Variants in NAALADL2 observed in about 807,000 individuals in gnomAD.
NAALADL2 encodes N-acetylated alpha-linked acidic dipeptidase like 2, also known as inactive N-acetylated-alpha-linked acidic dipeptidase-like protein 2.
NAALADL2 carries 76 observed loss-of-function variants against 87.2 expected under a neutral mutation model. That is an observed-to-expected ratio of 0.87 (90% CI 0.72 to 1.05). The LOEUF (loss-of-function observed/expected upper bound fraction) is 1.05, where lower values mean the gene tolerates loss of function less well. NAALADL2 is among the 50% of genes least tolerant of loss of function. The pLI, the probability that NAALADL2 is intolerant of heterozygous loss-of-function variation, is 0.00. For missense variants in NAALADL2, 1,089 were observed against 945.8 expected (o/e 1.15, Z -1.99); for synonymous variants, 354 against 331.0 (o/e 1.07, Z -0.75).
chr3:175,217,835 G>A (rs1001048808), intron 2 of NAALADL2, among the ~76,000 whole-genome samples: 5 of 152,156 alleles, frequency 3.3e-5, no homozygotes, highest in Admixed American at 2.0e-4. Flanking sequence ...ATTGGCTTGA[G>A]TTTTGTCTTC....
chr3:174,477,299 G>T (rs1717275434), intron 1 of NAALADL2, among the ~76,000 whole-genome samples: 3 of 152,078 alleles, frequency 2.0e-5, no homozygotes, highest in Admixed American at 6.6e-5. Context: ...CTAGTCCTGA[G>T]TTCTTTCCAC....
intron 2 of NAALADL2, among the ~76,000 whole-genome samples, chr3:174,648,408 T>C (rs1724024370): frequency 1.3e-5 from 2 of 152,136 alleles, no homozygotes. Flanking sequence ...ATATAGTGTT[T>C]GATACTATTG....
chr3:174,583,591 T>C (rs9875749), intron 2 of NAALADL2, among the ~76,000 whole-genome samples: 42,817 of 152,068 alleles, frequency 0.28, 7,489 homozygotes, highest in East Asian at 0.76. Context: ...TCTACAGGCA[T>C]TTAATTTCAG....
chr3:174,828,191 CAACA>C (rs1343731774), intron 3 of NAALADL2, among the ~76,000 whole-genome samples: 4 of 152,020 alleles, frequency 2.6e-5, no homozygotes, highest in African/African-American at 9.7e-5. Context: ...CAACACAACA[CAACA>C]AAGATTCTCT....
At chr3:174,887,537 A>C (rs1486418906) in intron 1 of NAALADL2, among the ~76,000 whole-genome samples, 1 of 152,174 alleles carries the variant, frequency 6.6e-6, no homozygotes, top group African/African-American at 2.4e-5. Flanking sequence ...GCTCACATCC[A>C]TAAACCCAGC....
rs397838105 is a variant in NAALADL2 at position 175,368,596 on chromosome 3, T to TGTGTGTG, written c.1090+44271_1090+44272insGTGTGTG. On this transcript the variant is annotated intron_variant, in intron 5 of 13. Coordinates refer to ENST00000454872, the MANE Select transcript of NAALADL2 (RefSeq NM_207015.3). Reference sequence around the variant, plus strand: ...GAGTGTGTGTGTGTGTGTGTGTGTGTTTATAGCCAGTATGTATATATGTAG... The same window carrying TGTGTGTG: ...GAGTGTGTGTGTGTGTGTGTGTGTGTGTGTGTGTTATAGCCAGTATGTATATATGTAG... Among the ~76,000 whole-genome samples the TGTGTGTG allele has an allele frequency of 2.7e-4, 41 of 151,690 alleles. 1 individual carries two copies. The East Asian group carries it at 2.9e-3, about 11-fold the overall frequency.
chr3:174,806,135 C>A (rs1330288033), intron 3 of NAALADL2, among the ~76,000 whole-genome samples: 1 of 152,112 alleles, frequency 6.6e-6, no homozygotes, highest in African/African-American at 2.4e-5. Context: ...TCTTTTGTCC[C>A]TGGTTGGGCT....
chr3:174,678,912 C>T (rs948869968), intron 2 of NAALADL2, among the ~76,000 whole-genome samples: 3 of 152,138 alleles, frequency 2.0e-5, no homozygotes, highest in African/African-American at 7.2e-5. Flanking sequence ...CCTTAACTGC[C>T]ATTTATTTAA....
At chr3:175,796,834 A>G (rs572987369) in intron 13 of NAALADL2, among the ~76,000 whole-genome samples, 2 of 152,306 alleles carry the variant, frequency 1.3e-5, no homozygotes, top group South Asian at 4.1e-4. Flanking sequence ...ATTTATGAAT[A>G]TAAGAAGGAA....
At chr3:174,784,725 A>C (rs2109164780) in intron 3 of NAALADL2, among the ~76,000 whole-genome samples, 1 of 152,326 alleles carries the variant, frequency 6.6e-6, no homozygotes, top group East Asian at 1.9e-4. Flanking sequence ...AAATGTGAGT[A>C]ATTCTTTATG....
intron 11 of NAALADL2, among the ~76,000 whole-genome samples, chr3:175,696,523 A>C (rs370626807): frequency 5.3e-5 from 8 of 152,166 alleles, no homozygotes; most frequent in African/African-American, 1.4e-4. Flanking sequence ...CCAGAGATGC[A>C]AACACTTTTT....
At chr3:175,328,074 A>G (rs1437269733) in intron 5 of NAALADL2, among the ~76,000 whole-genome samples, 1 of 152,174 alleles carries the variant, frequency 6.6e-6, no homozygotes, top group Non-Finnish European at 1.5e-5. Context: ...ATTTGGGGGT[A>G]TACATTATTG....
At chr3:175,393,046 G>A (rs984249985) in intron 5 of NAALADL2, among the ~76,000 whole-genome samples, 11 of 151,886 alleles carry the variant, frequency 7.2e-5, no homozygotes, top group East Asian at 3.9e-4. Context: ...AGGCCGAGGC[G>A]GGTGGATCAT....
chr3:175,085,954 G>C (rs1036675574), intron 1 of NAALADL2, among the ~76,000 whole-genome samples: 3 of 152,126 alleles, frequency 2.0e-5, no homozygotes, highest in African/African-American at 7.2e-5. Context: ...TAATAGACAG[G>C]TTATAATTGT....
intron 10 of NAALADL2, among the ~76,000 whole-genome samples, chr3:175,582,766 A>G (rs148036123): frequency 4.2e-4 from 64 of 152,306 alleles, no homozygotes; most frequent in African/African-American, 1.5e-3. Context: ...TCGTATAAAC[A>G]ATTAAATAAA....
At chr3:174,928,658 T>A (rs749573639) in intron 1 of NAALADL2, among the ~76,000 whole-genome samples, 1 of 152,244 alleles carries the variant, frequency 6.6e-6, no homozygotes, top group Non-Finnish European at 1.5e-5. Context: ...AGCAAACTGA[T>A]GATAATTCTC....
At chr3:175,104,477 C>G (rs1722756197) in intron 2 of NAALADL2, among the ~76,000 whole-genome samples, 1 of 152,110 alleles carries the variant, frequency 6.6e-6, no homozygotes, top group Non-Finnish European at 1.5e-5. Context: ...CTCTTCTAGT[C>G]TCCAGCCTTA....
chr3:174,895,243 T>C (rs1265245456), intron 1 of NAALADL2, among the ~76,000 whole-genome samples: 4 of 151,852 alleles, frequency 2.6e-5, no homozygotes, highest in East Asian at 1.9e-4. Flanking sequence ...AAACAAAGAG[T>C]TGGTTTTTTG....
chr3:175,095,738 G>A (rs1010240878), intron 1 of NAALADL2, among the ~76,000 whole-genome samples: 2 of 151,976 alleles, frequency 1.3e-5, no homozygotes, highest in Non-Finnish European at 2.9e-5. Context: ...GTTATCAGTT[G>A]AGCTGTGTTC....
Sources: allele counts gnomAD v4.1 joint callset (sites outside exome capture counted in the v4.1 genomes callset), GRCh38; gene constraint gnomAD v4.1.1; transcripts MANE v1.5; gene names NCBI Gene and HGNC (gene_info 2026-07-23, HGNC 2026-07-21).